Variants in SLC30A10 observed in about 807,000 individuals in gnomAD.
The protein encoded by SLC30A10 is solute carrier family 30 member 10, also known as calcium/manganese antiporter SLC30A10.
SLC30A10 carries 8 observed loss-of-function variants against 21.7 expected under a neutral mutation model. The ratio of observed to expected loss-of-function variants is 0.37; its 90% CI spans 0.22 to 0.67. The LOEUF (loss-of-function observed/expected upper bound fraction) is 0.67. Ranked by LOEUF, SLC30A10 falls within the 30% of genes least tolerant of loss-of-function variation. SLC30A10 has a pLI of 0.58. For missense variants in SLC30A10, 521 were observed against 642.5 expected (o/e 0.81, Z 2.04); for synonymous variants, 272 against 279.4 (o/e 0.97, Z 0.26).
chr1:219,927,628 A>G (rs1164125466), intron 1 of SLC30A10, among the ~76,000 whole-genome samples, 173 bp downstream of exon 1: 1 of 130,080 alleles, frequency 7.7e-6, no homozygotes, highest in African/African-American at 2.8e-5. Context: ...TGTAAAGGGA[A>G]TGGATTTATT....
At chr1:219,923,920 G>A (rs753726332) in intron 2 of SLC30A10, among the ~76,000 whole-genome samples, 14 of 152,064 alleles carry the variant, frequency 9.2e-5, no homozygotes, top group Non-Finnish European at 1.3e-4. Flanking sequence ...AAAATTAGCC[G>A]GGTGCAGTGG....
At chr1:219,926,523 C>G (rs149575632) in intron 2 of SLC30A10, among the ~76,000 whole-genome samples, 75 of 152,280 alleles carry the variant, frequency 4.9e-4, no homozygotes, top group African/African-American at 1.7e-3. Flanking sequence ...TTGCCTTGGG[C>G]CTCACCAGAA....
At chr1:219,951,817 C>A (rs1196354554) in intron 1 of SLC30A10, among the ~76,000 whole-genome samples, 1 of 151,876 alleles carries the variant, frequency 6.6e-6, no homozygotes, top group Non-Finnish European at 1.5e-5. Flanking sequence ...CTCTTTGCAA[C>A]CTCAAACTCC....
chr1:219,936,329 C>T (rs1660044642), intron 1 of SLC30A10, among the ~76,000 whole-genome samples: 1 of 152,100 alleles, frequency 6.6e-6, no homozygotes, highest in Admixed American at 6.5e-5. Flanking sequence ...AATTATGAAG[C>T]CATGGACCCA....
chr1:219,949,387 G>C (rs1660236191), intron 1 of SLC30A10, among the ~76,000 whole-genome samples: 1 of 152,130 alleles, frequency 6.6e-6, no homozygotes, highest in African/African-American at 2.4e-5. Context: ...ACTGGATTAA[G>C]AAAATGTGGC....
In SLC30A10 at chr1:219,913,853, A is replaced by G. The variant is rs947517; in HGVS notation, c.*1596T>C. 0.76 allele frequency: 115,906 copies of G among 152,090 alleles called. 44,429 individuals carry two copies. Among genetic ancestry groups the G allele is most frequent in the East Asian group, 0.87 (4,487 of 5,164 alleles). The allele number at this position is 152,090 out of a possible 1,614,324, so 9.4% of individuals were successfully genotyped here. The stretch of plus-strand genomic sequence containing the variant: ...CCCAGTGCTTTGGGAGGCCAAGGCG[A>G]GAGAATCACTTGAGGCTAGGAGTTC... On this transcript the variant is annotated 3_prime_UTR_variant, in exon 4 of 4. Transcript: ENST00000366926.
intron 1 of SLC30A10, among the ~76,000 whole-genome samples, chr1:219,947,606 C>T (rs1006439987): frequency 6.6e-6 from 1 of 152,074 alleles, no homozygotes; most frequent in Admixed American, 6.5e-5. Context: ...AGGACATGGA[C>T]TATGGAAAAC....
At chr1:219,951,245 G>C (rs71640877) in intron 1 of SLC30A10, among the ~76,000 whole-genome samples, 2 of 151,314 alleles carry the variant, frequency 1.3e-5, no homozygotes, top group Non-Finnish European at 2.9e-5. Flanking sequence ...ACAGGTGTGA[G>C]CCACCGCCCC....
chr1:219,921,872 A>AGTGTGTGTGTGTGTGT (rs72517767), intron 2 of SLC30A10, among the ~76,000 whole-genome samples: 1 of 139,404 alleles, frequency 7.2e-6, no homozygotes, highest in African/African-American at 2.8e-5. Flanking sequence ...GGTGTCTCTG[A>AGTGTGTGTGTGTGTGT]GTGTGTGTGT....
chr1:219,923,066 G>A (rs977893539), intron 2 of SLC30A10, among the ~76,000 whole-genome samples: 2 of 152,194 alleles, frequency 1.3e-5, no homozygotes, highest in African/African-American at 2.4e-5. Context: ...GGGGTGAAGA[G>A]AAGGGCAGAA....
chr1:219,950,236 T>C (rs1660249654), intron 1 of SLC30A10, among the ~76,000 whole-genome samples: 1 of 152,260 alleles, frequency 6.6e-6, no homozygotes, highest in African/African-American at 2.4e-5. Context: ...GACATTGCAT[T>C]ACCATTAAAG....
At chr1:219,958,391 C>T (rs1660380149) in intron 1 of SLC30A10, among the ~76,000 whole-genome samples, 1 of 152,136 alleles carries the variant, frequency 6.6e-6, no homozygotes, top group Admixed American at 6.5e-5. Context: ...CTACCCTACT[C>T]ACAAGGAACC....
At chr1:219,916,740 A>C (rs957604826) in intron 3 of SLC30A10, among the ~76,000 whole-genome samples, 2 of 152,204 alleles carry the variant, frequency 1.3e-5, no homozygotes, top group Non-Finnish European at 2.9e-5. Flanking sequence ...GCAGTCAGCT[A>C]GTTTGAATCC....
At chr1:219,942,819 A>C (rs1660138542) in intron 1 of SLC30A10, among the ~76,000 whole-genome samples, 1 of 152,190 alleles carries the variant, frequency 6.6e-6, no homozygotes, top group Admixed American at 6.5e-5. Context: ...CTGAAGAGGG[A>C]GGATCACTTG....
chr1:219,956,209 C>T (rs1553316375), intron 1 of SLC30A10, among the ~76,000 whole-genome samples: 1 of 151,986 alleles, frequency 6.6e-6, no homozygotes. Flanking sequence ...CTCACTCTGT[C>T]ACCCTGGCTG....
chr1:219,937,315 A>T (rs1453435482), intron 1 of SLC30A10, among the ~76,000 whole-genome samples: 1 of 152,178 alleles, frequency 6.6e-6, no homozygotes, highest in South Asian at 2.1e-4. Flanking sequence ...GAATGTATGT[A>T]TGAATTATTC....
chr1:219,945,781 C>T (rs1245626588), intron 1 of SLC30A10, among the ~76,000 whole-genome samples: 9 of 152,160 alleles, frequency 5.9e-5, no homozygotes, highest in Non-Finnish European at 1.2e-4. Context: ...AATATGATTA[C>T]AAAACTGAAG....
intron 2 of SLC30A10, among the ~76,000 whole-genome samples, chr1:219,921,979 G>C (rs1484735607): frequency 2.0e-5 from 3 of 149,412 alleles, no homozygotes; most frequent in Non-Finnish European, 4.4e-5. Context: ...GAAAAAATGG[G>C]GTCTCCCTCT....
chr1:219,928,033 G>C lies in SLC30A10; in HGVS notation c.408C>G (p.Asp136Glu). 1 of 1,583,166 alleles carries C rather than the reference G, an allele frequency of 6.3e-7. No homozygotes were observed. Among genetic ancestry groups the C allele is most frequent in the Non-Finnish European group, 8.6e-7 (1 of 1,166,480 alleles). Reference protein sequence around the residue: ...VNVVGLLIFQDCAAWFACCLR... With the variant: ...VNVVGLLIFQECAAWFACCLR... ...GGCAGCACGCGAACCAGGCGGCGCA[G>C]TCCTGGAAGATGAGCAGCCCCACCA... The change falls in exon 1 of 4, where the codon GAC becomes GAG. Residue 136 changes from aspartate to glutamate, a missense_variant. Coordinates refer to ENST00000366926, the MANE Select transcript of SLC30A10 (RefSeq NM_018713.3). The surrounding 1 kb of genome is among the most constrained non-coding windows in gnomAD (Gnocchi z 6.3).
Sources: gnomAD v4.1 joint callset for allele counts (sites outside exome capture counted in the v4.1 genomes callset) on GRCh38, gnomAD v4.1.1 for gene constraint, Gnocchi (gnomAD v3.1) non-coding constraint, MANE v1.5 for transcripts, NCBI Gene and HGNC (gene_info 2026-07-23, HGNC 2026-07-21) for gene names.